COL4A5: variants seen among roughly 807,000 people sequenced by gnomAD.
COL4A5 encodes the protein collagen type IV alpha 5 chain.
Under a neutral mutation model 130.2 loss-of-function variants are expected in COL4A5, and 26 were observed. The ratio of observed to expected loss-of-function variants is 0.20; its 90% CI spans 0.15 to 0.28. The LOEUF is 0.28. Ranked by LOEUF, COL4A5 falls within the 10% of genes least tolerant of loss-of-function variation. The pLI is 1.00. For missense variants in COL4A5, 1,131 were observed against 1,344.3 expected (o/e 0.84, Z 2.48); for synonymous variants, 496 against 439.6 (o/e 1.13, Z -1.60).
chrX:108,562,868 G>T (rs1420776018), intron 3 of COL4A5, among the ~76,000 whole-genome samples: 1 of 111,579 alleles, frequency 9.0e-6, no homozygotes, highest in Non-Finnish European at 1.9e-5. Context: ...CTCAAGTTAA[G>T]AGGGTATACA....
intron 36 of COL4A5, among the ~76,000 whole-genome samples, chrX:108,633,890 T>C (rs751505198): frequency 1.8e-5 from 2 of 111,981 alleles, no homozygotes; most frequent in South Asian, 7.3e-4. Flanking sequence ...ACAGGTGATC[T>C]TTGCTTTTGC....
intron 2 of COL4A5, among the ~76,000 whole-genome samples, chrX:108,555,120 A>C (rs2065805521): frequency 8.9e-6 from 1 of 112,015 alleles, no homozygotes; most frequent in Non-Finnish European, 1.9e-5. Context: ...ACACAATCAA[A>C]CATTAACTAA....
intron 1 of COL4A5, among the ~76,000 whole-genome samples, chrX:108,483,225 G>A (rs948504221): frequency 9.5e-6 from 1 of 105,434 alleles, no homozygotes; most frequent in South Asian, 4.1e-4. Context: ...GTGTGTGTAT[G>A]TGTGTGTGTG....
At chrX:108,610,499 T>C (rs1603294655) in intron 29 of COL4A5, among the ~76,000 whole-genome samples, 1 of 112,002 alleles carries the variant, frequency 8.9e-6, no homozygotes, top group Non-Finnish European at 1.9e-5. Context: ...AAGTTACAAG[T>C]TGTGTTTCCC....
At chrX:108,610,436 A>C (rs1171607591) in intron 29 of COL4A5, among the ~76,000 whole-genome samples, 1 of 111,812 alleles carries the variant, frequency 8.9e-6, no homozygotes, top group Non-Finnish European at 1.9e-5. Context: ...TTAAAAAAAT[A>C]CCTTTCTGTT....
At chrX:108,586,415 C>T (rs887347695) in intron 18 of COL4A5, among the ~76,000 whole-genome samples, 200 bp from the exon 19 acceptor site, 2 of 111,013 alleles carry the variant, frequency 1.8e-5, no homozygotes, top group Admixed American at 9.6e-5. Context: ...TTATATGCTT[C>T]GGGCTCAGGA....
At chrX:108,689,857 G>A (rs1341384480) in intron 49 of COL4A5, 27 of 751,962 alleles carry the variant, frequency 3.6e-5, no homozygotes, top group Non-Finnish European at 4.2e-5. Flanking sequence ...ATAACTATGG[G>A]GTATAGAGGG....
At chrX:108,454,970 T>C (rs958132135) in intron 1 of COL4A5, among the ~76,000 whole-genome samples, 3 of 111,779 alleles carry the variant, frequency 2.7e-5, no homozygotes, top group Non-Finnish European at 5.6e-5. Flanking sequence ...AAAATGCATA[T>C]ATTTGAAGTG....
chrX:108,662,962 C>T (rs1216411865), intron 37 of COL4A5, among the ~76,000 whole-genome samples: 1 of 112,264 alleles, frequency 8.9e-6, no homozygotes, highest in East Asian at 2.8e-4. Context: ...TCAAACTATA[C>T]TACAAGGCTT....
Position 108,540,205 on chromosome X carries a change from C to G in COL4A5, c.141+400C>G, listed in dbSNP as rs112237658. On this transcript the variant is annotated intron_variant, in intron 2 of 52. Transcript: ENST00000328300. ...AGGGACTATAGTGCAGAAACCCTAGCTTAATGGCTACCTTTGGGTAAGTGT... is the reference window on the plus strand; with the variant it reads ...AGGGACTATAGTGCAGAAACCCTAGGTTAATGGCTACCTTTGGGTAAGTGT... Among the ~76,000 whole-genome samples the G allele has an allele frequency of 7.2e-3, 798 of 111,388 alleles. 4 individuals are homozygous for G. The highest frequency in any genetic ancestry group is 0.037 in the East Asian group (128 of 3,499).
At chrX:108,667,240 A>G (rs1283370102) in intron 40 of COL4A5, 57 bp downstream of exon 40, 40 of 1,058,640 alleles carry the variant, frequency 3.8e-5, no homozygotes, top group Middle Eastern at 2.6e-4. Context: ...TTATTTCCAA[A>G]TACATCTATT....
chrX:108,644,896 T>C (rs2067543212), intron 36 of COL4A5, among the ~76,000 whole-genome samples: 1 of 87,165 alleles, frequency 1.1e-5, no homozygotes, highest in South Asian at 5.5e-4. Flanking sequence ...CAAGACTCCG[T>C]CTCCAAACAA....
intron 35 of COL4A5, among the ~76,000 whole-genome samples, 193 bp downstream of exon 35, chrX:108,625,987 A>G (rs894908099): frequency 1.3e-4 from 15 of 112,038 alleles, no homozygotes; most frequent in African/African-American, 4.9e-4. Context: ...TAGAAACCTT[A>G]AAAGTTATAA....
At chrX:108,508,598 C>T (rs1166131565) in intron 1 of COL4A5, among the ~76,000 whole-genome samples, 2 of 100,062 alleles carry the variant, frequency 2.0e-5, no homozygotes, top group Non-Finnish European at 4.0e-5. Context: ...AAAGAGCCTG[C>T]ATAGCCAAGG....
Position 108,692,189 on chromosome X carries a change from C to A in COL4A5, c.4529-559C>A, listed in dbSNP as rs186456930. Among the ~76,000 whole-genome samples the A allele has an allele frequency of 6.3e-5, 7 of 111,635 alleles. No individual in the cohort carries two copies. The East Asian group carries it at 2.0e-3, about 31-fold the overall frequency. Reference sequence around the variant, plus strand: ...AGCTCTGAATTTCAAAGATTAGTTTCTTTCTTTTTTTGGTTTGTTTGTTTT... The same window carrying A: ...AGCTCTGAATTTCAAAGATTAGTTTATTTCTTTTTTTGGTTTGTTTGTTTT... On this transcript the variant is annotated intron_variant, in intron 49 of 52. Coordinates refer to ENST00000328300, the MANE Select transcript of COL4A5 (RefSeq NM_033380.3).
At chrX:108,545,242 A>C (rs1023242552) in intron 2 of COL4A5, among the ~76,000 whole-genome samples, 2 of 111,436 alleles carry the variant, frequency 1.8e-5, no homozygotes, top group Admixed American at 1.9e-4. Flanking sequence ...TCTTGTGGGC[A>C]TTTAGTGCTG....
At position 108,680,723 on chromosome X, in the gene COL4A5, T is replaced by C; in HGVS notation, c.3987T>C (p.Pro1329=). 1.7e-6 allele frequency: 2 copies of C among 1,210,426 alleles called. No homozygotes were observed. Among genetic ancestry groups the C allele is most frequent in the Non-Finnish European group, 2.2e-6 (2 of 894,396 alleles). Residue 1329 remains proline, a synonymous_variant, in exon 45 of 53, where the codon CCT becomes CCC. Coordinates refer to ENST00000328300, the MANE Select transcript of COL4A5 (RefSeq NM_033380.3). ...RPGLNGMKGD[P]GLPGVPGFPG... ...GTCTCAATGGAATGAAAGGAGATCC[T>C]GGTCTCCCTGGTGTTCCAGGATTCC... is the stretch of plus-strand genomic sequence containing the variant.
At position 108,642,068 on chromosome X, in the gene COL4A5, G is replaced by A. The variant is rs544865404; in HGVS notation, c.3247-13263G>A. On this transcript the variant is annotated intron_variant, in intron 36 of 52. Transcript: ENST00000328300. ...ATAGGGGCACAGTGGGAGTAAGATC[G>A]GCCCTTTGATTTGTGTGGGAGTTGG... Among the ~76,000 whole-genome samples, 6 of 111,049 alleles carry A rather than the reference G, an allele frequency of 5.4e-5. No individual in the cohort carries two copies. In the South Asian group the frequency reaches 1.6e-3, roughly 29 times the overall value.
At chrX:108,531,418 T>C (rs1340289059) in intron 1 of COL4A5, among the ~76,000 whole-genome samples, 2 of 107,756 alleles carry the variant, frequency 1.9e-5, no homozygotes, top group Non-Finnish European at 3.9e-5. Context: ...TTTATTGAAA[T>C]GAAAATGTAA....
Sources: gnomAD v4.1 joint callset for allele counts (sites outside exome capture counted in the v4.1 genomes callset) on GRCh38, gnomAD v4.1.1 for gene constraint, MANE v1.5 for transcripts, NCBI Gene and HGNC (gene_info 2026-07-23, HGNC 2026-07-21) for gene names.